Variants in LUC7L2 observed in about 807,000 individuals in gnomAD.
LUC7L2 encodes the protein LUC7 like 2, pre-mRNA splicing factor.
Under a neutral mutation model 52.8 loss-of-function variants are expected in LUC7L2, and 25 were observed. The observed-to-expected ratio is 0.47, with a 90% CI of 0.34 to 0.66. LUC7L2 has a LOEUF of 0.66. Among genes scored for constraint, LUC7L2 ranks in the 30% least tolerant of loss-of-function variants. The probability of loss-of-function intolerance (pLI) is 0.01; values close to 1 mark genes in which losing one functional copy is unlikely to be tolerated. For synonymous variants in LUC7L2, 144 were observed against 160.9 expected (o/e 0.89, Z 0.80); for missense variants, 328 against 497.8 (o/e 0.66, Z 3.25).
At chr7:139,419,864 CT>C (rs1206702021) in intron 9 of LUC7L2, among the ~76,000 whole-genome samples, 1 of 152,154 alleles carries the variant, frequency 6.6e-6, no homozygotes. Context: ...AAATTATTCT[CT>C]TTTAAAGCAT....
At chr7:139,408,335 C>T (rs911475392) in intron 6 of LUC7L2, among the ~76,000 whole-genome samples, 6 of 152,102 alleles carry the variant, frequency 3.9e-5, no homozygotes, top group African/African-American at 1.4e-4. Context: ...GCAGATAGAC[C>T]TAGCAACAGA....
At chr7:139,413,609 C>G (rs1392283072) in intron 8 of LUC7L2, among the ~76,000 whole-genome samples, 1 of 152,136 alleles carries the variant, frequency 6.6e-6, no homozygotes, top group African/African-American at 2.4e-5. Flanking sequence ...GAAACTCCAT[C>G]TCTACTAAAA....
At chr7:139,385,715 A>G (rs1585100552) in intron 2 of LUC7L2, among the ~76,000 whole-genome samples, 2 of 152,212 alleles carry the variant, frequency 1.3e-5, no homozygotes, top group Non-Finnish European at 2.9e-5. Flanking sequence ...ATTGTTTTTC[A>G]TAGTCTAGTA....
intron 2 of LUC7L2, among the ~76,000 whole-genome samples, chr7:139,387,114 AC>A (rs1276001963): frequency 4.6e-5 from 7 of 151,908 alleles, no homozygotes; most frequent in Admixed American, 1.3e-4. Context: ...TGCTGGGATT[AC>A]AGGCATGAGC....
At chr7:139,403,611 T>C (rs1291281674) in intron 4 of LUC7L2, among the ~76,000 whole-genome samples, 1 of 152,172 alleles carries the variant, frequency 6.6e-6, no homozygotes, top group African/African-American at 2.4e-5. Flanking sequence ...TGTAAGTGCT[T>C]GGTAGAGCCT....
chr7:139,381,742 A>T (rs1318614497), intron 2 of LUC7L2, among the ~76,000 whole-genome samples: 2 of 151,404 alleles, frequency 1.3e-5, no homozygotes, highest in African/African-American at 2.4e-5. Context: ...ATGCCTGCCT[A>T]ATTTTGTATT....
chr7:139,376,053 A>C lies in LUC7L2; in HGVS notation c.62-9A>C. The C allele has an allele frequency of 6.2e-7, 1 of 1,613,406 alleles. No individual in the cohort carries two copies. Among genetic ancestry groups the C allele is most frequent in the Non-Finnish European group, 8.5e-7 (1 of 1,179,738 alleles). Reference sequence around the variant, plus strand: ...AACCTTGAATGTTATTAACTCTTCTATATTACAGGAGATACAACTCGTCAA... The same window carrying C: ...AACCTTGAATGTTATTAACTCTTCTCTATTACAGGAGATACAACTCGTCAA... On this transcript the variant is annotated splice_polypyrimidine_tract_variant and intron_variant, in intron 1 of 9. Coordinates refer to ENST00000354926, the MANE Select transcript of LUC7L2 (RefSeq NM_016019.5).
At chr7:139,406,556 G>A (rs60079723) in intron 5 of LUC7L2, among the ~76,000 whole-genome samples, 39,557 of 151,558 alleles carry the variant, frequency 0.26, 5,634 homozygotes, top group African/African-American at 0.37. Flanking sequence ...CTTTCACCAT[G>A]TTGGCCAGGC....
chr7:139,362,093 GTGTC>G (rs1448198633), intron 1 of LUC7L2, among the ~76,000 whole-genome samples: 1 of 151,790 alleles, frequency 6.6e-6, no homozygotes, highest in African/African-American at 2.4e-5. Flanking sequence ...ATTTTTTTAT[GTGTC>G]TGTTACTGGA....
At chr7:139,359,198 C>G (rs1799723824), upstream of LUC7L2, 2 of 152,338 alleles carry the variant, frequency 1.3e-5, no homozygotes, top group Admixed American at 6.5e-5. Flanking sequence ...TCCCTGCTCC[C>G]CGAGATCGCC....
chr7:139,417,532 T>G lies in LUC7L2; in HGVS notation c.810-6T>G, dbSNP rs1429531565. ...GGTAGAAACAAAATCAAATCTTGTCTGGTAGATCCAGGTCCAGAGAGCATC... is the reference window on the plus strand; with the variant it reads ...GGTAGAAACAAAATCAAATCTTGTCGGGTAGATCCAGGTCCAGAGAGCATC... On this transcript the variant is annotated splice_region_variant and splice_polypyrimidine_tract_variant and intron_variant, in intron 8 of 9. Coordinates refer to ENST00000354926, the MANE Select transcript of LUC7L2 (RefSeq NM_016019.5). 3 of 1,605,500 alleles carry G rather than the reference T, an allele frequency of 1.9e-6. No homozygotes were observed. In the East Asian group the frequency reaches 6.7e-5, roughly 36 times the overall value.
rs181332654 is a variant in LUC7L2, at chr7:139,387,737, C to T, written c.157-10862C>T. ...CTACTTCTCCCTTGAATGAATAAATCGTATAAGTTGTTTTTTCTTTTCCTT... is the reference window on the plus strand; with the variant it reads ...CTACTTCTCCCTTGAATGAATAAATTGTATAAGTTGTTTTTTCTTTTCCTT... On this transcript the variant is annotated intron_variant, in intron 2 of 9. Coordinates refer to ENST00000354926, the MANE Select transcript of LUC7L2 (RefSeq NM_016019.5). 2.7e-3 allele frequency among the ~76,000 whole-genome samples: 408 copies of T among 152,210 alleles called. 3 individuals carry two copies. The highest frequency in any genetic ancestry group is 9.3e-3 in the African/African-American group (387 of 41,542).
intron 3 of LUC7L2, 101 bp downstream of exon 3, chr7:139,398,798 C>T (rs1794771657): frequency 1.1e-5 from 12 of 1,078,446 alleles, no homozygotes; most frequent in Non-Finnish European, 1.5e-5. Flanking sequence ...AGCAGTTTAT[C>T]CTCTGGTTAT....
At chr7:139,397,632 C>T (rs892095454) in intron 2 of LUC7L2, among the ~76,000 whole-genome samples, 5 of 152,124 alleles carry the variant, frequency 3.3e-5, no homozygotes, top group African/African-American at 1.2e-4. Context: ...CTTTCATCAC[C>T]GATTAATCAT....
chr7:139,353,903 T>C (rs1466981502), intron 1 of LUC7L2, among the ~76,000 whole-genome samples: 2 of 152,026 alleles, frequency 1.3e-5, no homozygotes, highest in Non-Finnish European at 2.9e-5. Context: ...TTGCCTGAGC[T>C]TGGGAGTTCA....
intron 9 of LUC7L2, among the ~76,000 whole-genome samples, chr7:139,418,473 G>GACA (rs1795730311): frequency 6.6e-6 from 1 of 152,100 alleles, no homozygotes; most frequent in Admixed American, 6.5e-5. Flanking sequence ...CTTTTTTCTT[G>GACA]ACAACTATTC....
chr7:139,393,732 C>CA (rs1794544018), intron 2 of LUC7L2, among the ~76,000 whole-genome samples: 2 of 152,136 alleles, frequency 1.3e-5, no homozygotes, highest in African/African-American at 4.8e-5. Context: ...AGGAGTGAGC[C>CA]ACCACACCTG....
At chr7:139,420,892 A>G (rs537952215) in intron 9 of LUC7L2, among the ~76,000 whole-genome samples, 3 of 151,990 alleles carry the variant, frequency 2.0e-5, no homozygotes, top group South Asian at 4.2e-4. Context: ...TCCGCCTCCC[A>G]GGTTCAAGTG....
At chr7:139,364,427 G>A (rs1800041702) in intron 1 of LUC7L2, among the ~76,000 whole-genome samples, 1 of 152,098 alleles carries the variant, frequency 6.6e-6, no homozygotes, top group Non-Finnish European at 1.5e-5. Flanking sequence ...GAATTTTATA[G>A]CATCATTAAT....
Sources: allele counts gnomAD v4.1 joint callset (sites outside exome capture counted in the v4.1 genomes callset), GRCh38; gene constraint gnomAD v4.1.1; transcripts MANE v1.5; gene names NCBI Gene and HGNC (gene_info 2026-07-23, HGNC 2026-07-21).